CPA6: variants seen among roughly 807,000 people sequenced by gnomAD.
CPA6 encodes the protein carboxypeptidase B.
CPA6 carries 58 observed loss-of-function variants against 63.3 expected under a neutral mutation model. That is an observed-to-expected ratio of 0.92 (90% CI 0.74 to 1.14). The LOEUF (loss-of-function observed/expected upper bound fraction) is 1.14. Among genes scored for constraint, CPA6 ranks in the 50% most tolerant of loss-of-function variants. The pLI is 0.00. For missense variants in CPA6, 565 were observed against 526.6 expected (o/e 1.07, Z -0.71); for synonymous variants, 185 against 179.0 (o/e 1.03, Z -0.27).
chr8:67,591,794 A>G (rs1332445630), intron 2 of CPA6, among the ~76,000 whole-genome samples: 8 of 152,160 alleles, frequency 5.3e-5, no homozygotes, highest in Admixed American at 5.2e-4. Context: ...GGGCTGAGAC[A>G]ATGGGGTTTT....
rs140678826 is a variant in CPA6 at position 67,478,014 on chromosome 8, T to G, written c.838+5754A>C. On this transcript the variant is annotated intron_variant, in intron 8 of 10. Transcript: ENST00000297770. The stretch of plus-strand genomic sequence containing the variant: ...AGGATGACTGGTGGCTGGGGGTCCC[T>G]AGGGAGCTTCAGAATGGGGACAGGT... 2.8e-3 allele frequency among the ~76,000 whole-genome samples: 430 copies of G among 152,244 alleles called. 2 individuals are homozygous for G. The highest frequency in any genetic ancestry group is 9.5e-3 in the African/African-American group (394 of 41,542).
intron 9 of CPA6, among the ~76,000 whole-genome samples, chr8:67,428,630 C>T (rs1809950064): frequency 6.6e-6 from 1 of 152,146 alleles, no homozygotes; most frequent in South Asian, 2.1e-4. Context: ...ACTACAAGCG[C>T]GTGCCACCAC....
intron 8 of CPA6, among the ~76,000 whole-genome samples, chr8:67,455,065 A>G (rs1484160372): frequency 6.6e-6 from 1 of 152,232 alleles, no homozygotes; most frequent in East Asian, 1.9e-4. Flanking sequence ...TACGATTTTA[A>G]TTAAAAAATA....
intron 1 of CPA6, among the ~76,000 whole-genome samples, chr8:67,712,554 G>A (rs879472486): frequency 4.6e-5 from 7 of 152,116 alleles, no homozygotes; most frequent in African/African-American, 1.7e-4. Context: ...GTTTAAGCTG[G>A]GAGCATGAAT....
chr8:67,525,952 A>G (rs1350813804), intron 2 of CPA6, among the ~76,000 whole-genome samples: 2 of 152,192 alleles, frequency 1.3e-5, no homozygotes, highest in African/African-American at 4.8e-5. Flanking sequence ...TAACACTGAA[A>G]GCCCAGATAT....
chr8:67,539,642 G>A (rs1812662524), intron 2 of CPA6, among the ~76,000 whole-genome samples: 1 of 152,184 alleles, frequency 6.6e-6, no homozygotes, highest in African/African-American at 2.4e-5. Context: ...CCAATCAAAT[G>A]TAGGTTTGGT....
In CPA6 at chr8:67,649,997, T is replaced by C. The variant is rs116702689; in HGVS notation, c.117-25746A>G. Reference sequence around the variant, plus strand: ...TGAGGCTGAGACTCAGGAAGTCAGATTGTCATTTTCACATGGAAAATCTCT... The same window carrying C: ...TGAGGCTGAGACTCAGGAAGTCAGACTGTCATTTTCACATGGAAAATCTCT... On this transcript the variant is annotated intron_variant, in intron 1 of 10. Transcript: ENST00000297770. 9.0e-3 allele frequency among the ~76,000 whole-genome samples: 1,376 copies of C among 152,274 alleles called. 16 individuals are homozygous for C. The highest frequency in any genetic ancestry group is 0.031 in the African/African-American group (1,285 of 41,558).
chr8:67,536,911 T>C (rs1812597325), intron 2 of CPA6, among the ~76,000 whole-genome samples: 1 of 152,204 alleles, frequency 6.6e-6, no homozygotes, highest in Admixed American at 6.5e-5. Flanking sequence ...TGAAGGGGCA[T>C]TGAATTTTAT....
At chr8:67,512,801 G>A (rs1346507694) in intron 3 of CPA6, among the ~76,000 whole-genome samples, 1 of 152,024 alleles carries the variant, frequency 6.6e-6, no homozygotes, top group Non-Finnish European at 1.5e-5. Context: ...ACATATAATG[G>A]CATCTTTAAA....
intron 1 of CPA6, among the ~76,000 whole-genome samples, chr8:67,737,085 A>T (rs1817826512): frequency 6.6e-6 from 1 of 152,194 alleles, no homozygotes; most frequent in South Asian, 2.1e-4. Flanking sequence ...TCTTTTAAAA[A>T]TTGAATCAAC....
chr8:67,534,792 C>T (rs902129357), intron 2 of CPA6, among the ~76,000 whole-genome samples: 3 of 152,172 alleles, frequency 2.0e-5, no homozygotes, highest in South Asian at 2.1e-4. Context: ...TAGGTATACA[C>T]GTGCCATGGT....
At chr8:67,448,656 G>GAAAAAAAAAAAAA (rs1810485855) in intron 8 of CPA6, among the ~76,000 whole-genome samples, 3 of 68,774 alleles carry the variant, frequency 4.4e-5, no homozygotes, top group African/African-American at 1.8e-4. Context: ...AAAAAAAAAG[G>GAAAAAAAAAAAAA]AAAGAACGAA....
Position 67,434,221 on chromosome 8 carries a change from G to A in CPA6, c.858C>T (p.His286=), listed in dbSNP as rs752773496. The change falls in exon 9 of 11, where the codon CAC becomes CAT. Residue 286 remains histidine, a synonymous_variant. Coordinates refer to ENST00000297770, the MANE Select transcript of CPA6 (RefSeq NM_020361.5). ...GGCCACAGTATGTGTCATCACAAGG[G>A]TGCATAGAAGCTCCTTCATCTGCAA... ...VKWCDEGASM[H]PCDDTYCGPF... 5 of 1,613,848 alleles carry A rather than the reference G, an allele frequency of 3.1e-6. No homozygotes were observed. The highest frequency in any genetic ancestry group is 4.2e-6 in the Non-Finnish European group (5 of 1,179,952).
intron 2 of CPA6, among the ~76,000 whole-genome samples, chr8:67,594,424 T>C (rs1184184232): frequency 1.3e-5 from 2 of 152,196 alleles, no homozygotes; most frequent in Admixed American, 6.5e-5. Flanking sequence ...AATCTGAATG[T>C]TGGCCTGCCT....
chr8:67,635,579 C>T (rs1290771357), intron 1 of CPA6, among the ~76,000 whole-genome samples: 1 of 151,440 alleles, frequency 6.6e-6, no homozygotes, highest in African/African-American at 2.5e-5. Context: ...ACCAGCCTGA[C>T]CAACATGGTG....
chr8:67,458,553 A>G (rs13254961), intron 8 of CPA6, among the ~76,000 whole-genome samples: 5,799 of 152,332 alleles, frequency 0.038, 147 homozygotes, highest in Non-Finnish European at 0.06. Context: ...GAAATAATTG[A>G]TAAGTGGGAC....
chr8:67,661,311 C>T (rs1816103054), intron 1 of CPA6, among the ~76,000 whole-genome samples: 1 of 152,080 alleles, frequency 6.6e-6, no homozygotes, highest in African/African-American at 2.4e-5. Flanking sequence ...AGGAAGTGGC[C>T]ATTGTGGCTG....
chr8:67,598,618 A>G (rs1160328518), intron 2 of CPA6, among the ~76,000 whole-genome samples: 1 of 152,210 alleles, frequency 6.6e-6, no homozygotes, highest in Non-Finnish European at 1.5e-5. Context: ...CCAAATGCAT[A>G]TTAAAATGTA....
intron 1 of CPA6, among the ~76,000 whole-genome samples, chr8:67,661,859 A>G (rs2128993005): frequency 6.6e-6 from 1 of 152,254 alleles, no homozygotes; most frequent in East Asian, 1.9e-4. Context: ...GGAATCATAT[A>G]ATCTTTGTCT....
Sources: gnomAD v4.1 joint callset for allele counts (sites outside exome capture counted in the v4.1 genomes callset) on GRCh38, gnomAD v4.1.1 for gene constraint, MANE v1.5 for transcripts, NCBI Gene and HGNC (gene_info 2026-07-23, HGNC 2026-07-21) for gene names.